TSC1: variants seen among roughly 807,000 people sequenced by gnomAD.
TSC1 encodes the protein hamartin.
Under a neutral mutation model 124.3 loss-of-function variants are expected in TSC1, and 20 were observed. The ratio of observed to expected loss-of-function variants is 0.16; its 90% confidence interval spans 0.11 to 0.23. The LOEUF (loss-of-function observed/expected upper bound fraction) is 0.23, where lower values mean the gene tolerates loss of function less well. Ranked by LOEUF, TSC1 falls within the 10% of genes least tolerant of loss-of-function variation. The probability of loss-of-function intolerance (pLI) is 1.00; values close to 1 mark genes in which losing one functional copy is unlikely to be tolerated. For missense variants in TSC1, 1,124 were observed against 1,448.5 expected (o/e 0.78, Z 3.64); for synonymous variants, 493 against 539.1 (o/e 0.91, Z 1.19).
chr9:132,939,917 T>C (rs1847651730), intron 1 of TSC1, among the ~76,000 whole-genome samples: 1 of 152,178 alleles, frequency 6.6e-6, no homozygotes, highest in African/African-American at 2.4e-5. Flanking sequence ...GGGTGGGGCC[T>C]TCTAGGTAAT....
rs1846043882 is a variant in TSC1, at chr9:132,912,842, C to T, written c.738-385G>A. 1.2e-5 allele frequency: 3 copies of T among 243,052 alleles called. No individual in the cohort carries two copies. In the South Asian group the frequency reaches 1.5e-4, roughly 12 times the overall value. The allele number at this position is 243,052 out of a possible 1,614,324, so 15.1% of individuals were successfully genotyped here. On this transcript the variant is annotated intron_variant, in intron 8 of 22. Coordinates refer to ENST00000298552, the MANE Select transcript of TSC1 (RefSeq NM_000368.5). ...GAGACTGCCAAGCAGCTGAGGCTGA[C>T]TTAAGGTCTCCTATCAAGGCCTCAG...
chr9:132,898,064 A>G (rs942895086), intron 20 of TSC1, among the ~76,000 whole-genome samples: 7 of 152,254 alleles, frequency 4.6e-5, no homozygotes, highest in Non-Finnish European at 1.0e-4. Flanking sequence ...ACACCAAGTG[A>G]AAATACGCCA....
rs765809001 is a variant in TSC1 at position 132,910,556 on chromosome 9, C to T, written c.1263+15G>A. 70 of 1,613,814 alleles carry T rather than the reference C, an allele frequency of 4.3e-5. No individual in the cohort carries two copies. In the East Asian group the frequency reaches 4.7e-4, roughly 11 times the overall value. On this transcript the variant is annotated intron_variant, in intron 12 of 22. Coordinates refer to ENST00000298552, the MANE Select transcript of TSC1 (RefSeq NM_000368.5). The stretch of plus-strand genomic sequence containing the variant: ...TGTGCCTGGGCAGAGGGATAGCAGA[C>T]GAGCTGGATCGCACCTTCCTGGGGG...
At chr9:132,909,741 C>T (rs909351507) in intron 12 of TSC1, 2 of 152,214 alleles carry the variant, frequency 1.3e-5, no homozygotes, top group Admixed American at 6.5e-5. Context: ...ATTACACATA[C>T]ATGTTCTCAA....
intron 3 of TSC1, among the ~76,000 whole-genome samples, chr9:132,928,029 C>CCACAGA (rs375792406): frequency 2.0e-5 from 3 of 152,136 alleles, no homozygotes; most frequent in Admixed American, 6.5e-5. Flanking sequence ...GCCCTCATGT[C>CCACAGA]CACAGACACA....
intron 1 of TSC1, chr9:132,942,052 A>T (rs905061931): frequency 6.6e-6 from 1 of 152,226 alleles, no homozygotes; most frequent in Non-Finnish European, 1.5e-5. Context: ...AGGAAAAGCT[A>T]ATTTTAGTTC....
At position 132,912,332 on chromosome 9, in the gene TSC1, C is replaced by T. The variant is rs1424366444; in HGVS notation, c.863G>A (p.Arg288His). The change falls in exon 9 of 23, where the codon CGT becomes CAT. Residue 288 changes from arginine (R) to histidine (H), a missense_variant. Transcript: ENST00000298552. ...AGGGCTGGTGGTGACATCGGCTGAA[C>T]GATGAGGAAAGCGGGCTGAGATTTG... is the stretch of plus-strand genomic sequence containing the variant. ...SHQISARFPHRSADVTTSPYA... is the reference protein window; with the variant it reads ...SHQISARFPHHSADVTTSPYA... 8 of 1,614,048 alleles carry T rather than the reference C, an allele frequency of 5.0e-6. No homozygotes were observed. The highest frequency in any genetic ancestry group is 1.3e-5 in the African/African-American group (1 of 74,924).
rs1441374524 is a variant in TSC1 at position 132,905,658 on chromosome 9, C to G, written c.1920G>C (p.Val640=). 6.2e-7 allele frequency: 1 copy of G among 1,614,236 alleles called. No homozygotes were observed. Among genetic ancestry groups the G allele is most frequent in the African/African-American group, 1.3e-5 (1 of 75,068 alleles). ...GCACTTCCATTGGGGAGGTAGAGGG[C>G]ACACCATCTTCCTCTGTGTTTCCTT... The part of the protein sequence containing the change: ...KAKGNTEEDG[V]PSTSPMEVLD... The change falls in exon 15 of 23, where the codon GTG becomes GTC. Residue 640 remains valine (V), a synonymous_variant. Transcript: ENST00000298552.
At chr9:132,916,142 T>C (rs1182631433) in intron 8 of TSC1, among the ~76,000 whole-genome samples, 3 of 152,224 alleles carry the variant, frequency 2.0e-5, no homozygotes, top group Admixed American at 1.3e-4. Context: ...CTGGGAACCA[T>C]CGTCTAATCA....
At position 132,894,260 on chromosome 9, in the gene TSC1, C is replaced by T; in HGVS notation, c.*1975G>A. 4.3e-6 allele frequency: 1 copy of T among 231,772 alleles called. No individual in the cohort carries two copies. The highest frequency in any genetic ancestry group is 8.5e-6 in the Non-Finnish European group (1 of 117,062). The allele number at this position is 231,772 out of a possible 1,614,324, so 14.4% of individuals were successfully genotyped here. On this transcript the variant is annotated 3_prime_UTR_variant, in exon 23 of 23. Transcript: ENST00000298552. ...TTGCACTTGGGCCTCTTTTCCTTTC[C>T]AATTCAGGAAAAGGCTTTAAGTGCC...
chr9:132,934,651 A>G (rs1847365204), intron 2 of TSC1: 1 of 164,574 alleles, frequency 6.1e-6, no homozygotes, highest in South Asian at 2.0e-4. Context: ...GACTTGTGCC[A>G]GCACACAGGC....
rs1449658510 is a variant in TSC1, at chr9:132,902,939, T to C, written c.2209-152A>G. ...CTCTTAGAGCTCACTACTGTCTTAC[T>C]TGGCCTTAGGTCAAGGTTTTCCAAA... On this transcript the variant is annotated intron_variant, in intron 17 of 22. Transcript: ENST00000298552. This position sits in a 1 kb window ranked among gnomAD's most constrained non-coding sequence, Gnocchi z 5.2. The C allele has an allele frequency of 9.7e-7, 1 of 1,031,842 alleles. No homozygotes were observed. Among genetic ancestry groups the C allele is most frequent in the Non-Finnish European group, 1.5e-6 (1 of 683,190 alleles). The allele number at this position is 1,031,842 out of a possible 1,614,324, so 63.9% of individuals were successfully genotyped here. A position where few individuals can be genotyped will look rare whatever the true frequency, so the allele number is the denominator to read the frequency against.
In TSC1 at chr9:132,910,649, A is replaced by G; in HGVS notation, c.1185T>C (p.Pro395=). Residue 395 remains proline, a synonymous_variant, in exon 12 of 23, where the codon CCT becomes CCC. Transcript: ENST00000298552. ...CCGAATGACAGAGTGGGGCTGGAGGAGGAGAGGTTGCTGGGGTTCCCAGAG... is the reference window on the plus strand; with the variant it reads ...CCGAATGACAGAGTGGGGCTGGAGGGGGAGAGGTTGCTGGGGTTCCCAGAG... ...GTPLGTPATS[P]PPAPLCHSDD... 6.2e-7 allele frequency: 1 copy of G among 1,614,060 alleles called. No homozygotes were observed. The highest frequency in any genetic ancestry group is 8.5e-7 in the Non-Finnish European group (1 of 1,180,038).
In TSC1 at chr9:132,902,532, A is replaced by G; in HGVS notation, c.2391+73T>C. The G allele has an allele frequency of 6.3e-7, 1 of 1,579,420 alleles. No homozygotes were observed. The highest frequency in any genetic ancestry group is 8.7e-7 in the Non-Finnish European group (1 of 1,150,614). Reference sequence around the variant, plus strand: ...CTGAACAAGTCAAGGACACCCAGGGAAACTGACTGCCTCCCTCCCCACTGC... The same window carrying G: ...CTGAACAAGTCAAGGACACCCAGGGGAACTGACTGCCTCCCTCCCCACTGC... On this transcript the variant is annotated intron_variant, in intron 18 of 22. Transcript: ENST00000298552. The surrounding 1 kb of genome is among the most constrained non-coding windows in gnomAD (Gnocchi z 5.2).
In TSC1 at chr9:132,891,955, C is replaced by A. The variant is rs915059914; in HGVS notation, c.*4280G>T. 1 of 233,264 alleles carries A rather than the reference C, an allele frequency of 4.3e-6. No homozygotes were observed. Among genetic ancestry groups the A allele is most frequent in the Non-Finnish European group, 8.5e-6 (1 of 117,936 alleles). The allele number at this position is 233,264 out of a possible 1,614,324, so 14.4% of individuals were successfully genotyped here. A position where few individuals can be genotyped will look rare whatever the true frequency, so the allele number is the denominator to read the frequency against. On this transcript the variant is annotated 3_prime_UTR_variant, in exon 23 of 23. Transcript: ENST00000298552. The stretch of plus-strand genomic sequence containing the variant: ...CCATTCCAATGGTTAAACCAGCCTA[C>A]TTATCTCAGAGGATGGATAATGTGG...
chr9:132,937,980 T>C (rs1847550335), intron 1 of TSC1, among the ~76,000 whole-genome samples: 2 of 152,208 alleles, frequency 1.3e-5, no homozygotes. Context: ...CCTCCCATAG[T>C]GCTGGGGTTA....
At position 132,910,557 on chromosome 9, in the gene TSC1, G is replaced by C. The variant is rs1240806849; in HGVS notation, c.1263+14C>G. The C allele has an allele frequency of 6.2e-7, 1 of 1,613,978 alleles. No homozygotes were observed. The highest frequency in any genetic ancestry group is 8.5e-7 in the Non-Finnish European group (1 of 1,180,040). On this transcript the variant is annotated intron_variant, in intron 12 of 22. Transcript: ENST00000298552. ...GTGCCTGGGCAGAGGGATAGCAGAC[G>C]AGCTGGATCGCACCTTCCTGGGGGG... is the stretch of plus-strand genomic sequence containing the variant.
At position 132,903,902 on chromosome 9, in the gene TSC1, A is replaced by G; in HGVS notation, c.2042-85T>C. The G allele has an allele frequency of 2.0e-6, 3 of 1,518,192 alleles. No homozygotes were observed. In the Admixed American group the frequency reaches 5.1e-5, roughly 26 times the overall value. The allele number at this position is 1,518,192 out of a possible 1,614,324, so 94.0% of individuals were successfully genotyped here. ...CCCCTTCCCATGTGTTGTTAGCTTAACAAACACAATTCTTTAAAAACAAAT... is the reference window on the plus strand; with the variant it reads ...CCCCTTCCCATGTGTTGTTAGCTTAGCAAACACAATTCTTTAAAAACAAAT... On this transcript the variant is annotated intron_variant, in intron 16 of 22. Coordinates refer to ENST00000298552, the MANE Select transcript of TSC1 (RefSeq NM_000368.5). This position sits in a 1 kb window ranked among gnomAD's most constrained non-coding sequence, Gnocchi z 5.9.
chr9:132,944,641 C>T (rs571288003), upstream of TSC1: 2 of 398,744 alleles, frequency 5.0e-6, no homozygotes, highest in African/African-American at 2.1e-5. Flanking sequence ...CGTGAAAGGG[C>T]CAAGGCCGAC....
Sources: gnomAD v4.1 joint callset for allele counts (sites outside exome capture counted in the v4.1 genomes callset) on GRCh38, gnomAD v4.1.1 for gene constraint, Gnocchi (gnomAD v3.1) non-coding constraint, MANE v1.5 for transcripts, NCBI Gene and HGNC (gene_info 2026-07-23, HGNC 2026-07-21) for gene names.